Variants in HORMAD2 observed in about 807,000 individuals in gnomAD.
The protein encoded by HORMAD2 is HORMA domain containing 2.
A neutral mutation model predicts 38.8 loss-of-function variants in HORMAD2; 45 were observed. The ratio of observed to expected loss-of-function variants is 1.16; its 90% confidence interval spans 0.91 to 1.49. The LOEUF is 1.49. Among genes scored for constraint, HORMAD2 ranks in the 40% most tolerant of loss-of-function variants. HORMAD2 has a pLI of 0.00. For missense variants in HORMAD2, 338 were observed against 367.0 expected, an observed-to-expected ratio of 0.92 and a Z score of 0.65; for synonymous variants, 126 against 122.8, an observed-to-expected ratio of 1.03 and a Z score of -0.17.
intron 10 of HORMAD2, among the ~76,000 whole-genome samples, chr22:30,147,942 C>T (rs191756908): frequency 2.6e-5 from 4 of 152,180 alleles, no homozygotes; most frequent in African/African-American, 9.6e-5. Flanking sequence ...TTATCAAATT[C>T]CTATAAACAT....
chr22:30,078,414 TG>T (rs2068410499), upstream of HORMAD2, among the ~76,000 whole-genome samples: 1 of 151,798 alleles, frequency 6.6e-6, no homozygotes, highest in Admixed American at 6.6e-5. Context: ...AAGACCAGCC[TG>T]GCCAACATGG....
At chr22:30,092,566 A>G (rs939502788) in intron 1 of HORMAD2, among the ~76,000 whole-genome samples, 2 of 152,144 alleles carry the variant, frequency 1.3e-5, no homozygotes, top group African/African-American at 2.4e-5. Context: ...AGTCTTACCC[A>G]TAAAATCTTT....
At chr22:30,206,601 G>A in the HORMAD2 span, among the ~76,000 whole-genome samples, 4 of 151,966 alleles carry the variant, frequency 2.6e-5, no homozygotes, top group Admixed American at 6.6e-5. Context: ...TCTCGCCTCA[G>A]CCTACCAGGA....
At chr22:30,181,229 G>A (rs1173947030), downstream of HORMAD2, among the ~76,000 whole-genome samples, 1 of 151,828 alleles carries the variant, frequency 6.6e-6, no homozygotes, top group Non-Finnish European at 1.5e-5. Context: ...GCCCAGGCTG[G>A]TCTTGAACTC....
chr22:30,082,320 A>G (rs745405354), intron 1 of HORMAD2, among the ~76,000 whole-genome samples: 7 of 152,216 alleles, frequency 4.6e-5, no homozygotes, highest in African/African-American at 9.6e-5. Flanking sequence ...TTCATAAATC[A>G]ACTATGATTA....
At chr22:30,078,062 T>G (rs2068405196), upstream of HORMAD2, among the ~76,000 whole-genome samples, 1 of 152,178 alleles carries the variant, frequency 6.6e-6, no homozygotes, top group Non-Finnish European at 1.5e-5. Flanking sequence ...AGGGGCTTAT[T>G]AATCCATTCC....
rs552379330 is a variant in HORMAD2 at position 30,118,715 on chromosome 22, A to G, written c.343-265A>G. On this transcript the variant is annotated intron_variant, in intron 7 of 10. Coordinates refer to ENST00000336726, the MANE Select transcript of HORMAD2 (RefSeq NM_152510.4). ...TGTTGTTTACCTAGTTTGGTTAGAT[A>G]TTTGACTCTGTGATTTTGTTTTTCC... Among the ~76,000 whole-genome samples the G allele has an allele frequency of 3.9e-5, 6 of 152,284 alleles. No homozygotes were observed. In the South Asian group the frequency reaches 1.2e-3, roughly 32 times the overall value.
intron 10 of HORMAD2, among the ~76,000 whole-genome samples, chr22:30,174,096 T>C (rs529514576): frequency 2.6e-5 from 4 of 152,330 alleles, no homozygotes; most frequent in Admixed American, 2.0e-4. Flanking sequence ...TGAGGCTCTA[T>C]TGGTAAACAG....
At chr22:30,169,572 G>A (rs891623473) in intron 10 of HORMAD2, among the ~76,000 whole-genome samples, 7 of 152,076 alleles carry the variant, frequency 4.6e-5, no homozygotes, top group East Asian at 1.9e-4. Context: ...TTAATTGAAT[G>A]GGCAAACCCC....
chr22:30,158,040 A>C (rs1321232020), intron 10 of HORMAD2, among the ~76,000 whole-genome samples: 2 of 152,090 alleles, frequency 1.3e-5, no homozygotes, highest in Middle Eastern at 3.2e-3. Flanking sequence ...TGTTAGATTT[A>C]ATTCTTAAGT....
chr22:30,094,782 C>A (rs2068753151), intron 2 of HORMAD2, among the ~76,000 whole-genome samples: 1 of 152,102 alleles, frequency 6.6e-6, no homozygotes, highest in Admixed American at 6.5e-5. Context: ...GGAGAGAATT[C>A]CCTGAGGAAA....
chr22:30,173,266 G>T (rs1926229392), intron 10 of HORMAD2, among the ~76,000 whole-genome samples: 1 of 152,238 alleles, frequency 6.6e-6, no homozygotes, highest in Non-Finnish European at 1.5e-5. Flanking sequence ...AAGCAGAAGA[G>T]CGATGTGTCA....
At chr22:30,127,450 G>A (rs891015677) in intron 10 of HORMAD2, among the ~76,000 whole-genome samples, 3 of 151,912 alleles carry the variant, frequency 2.0e-5, no homozygotes, top group Non-Finnish European at 2.9e-5. Flanking sequence ...TTCGTGATCC[G>A]CCCACCTCGG....
chr22:30,093,879 T>G, intron 1 of HORMAD2, 37 bp from the exon 2 acceptor site: 1 of 1,020,548 alleles, frequency 9.8e-7, no homozygotes, highest in Non-Finnish European at 1.4e-6. Context: ...GCATTATATT[T>G]GGCAAGGTCT....
intron 10 of HORMAD2, among the ~76,000 whole-genome samples, chr22:30,136,136 T>A (rs1923635677): frequency 6.6e-6 from 1 of 152,234 alleles, no homozygotes; most frequent in Non-Finnish European, 1.5e-5. Context: ...TAGGTGTTTC[T>A]TAATTAGGGA....
intron 10 of HORMAD2, among the ~76,000 whole-genome samples, chr22:30,171,360 C>G (rs1221405504): frequency 6.6e-6 from 1 of 152,160 alleles, no homozygotes; most frequent in African/African-American, 2.4e-5. Context: ...TCCCATTGTT[C>G]TCGACCTGAG....
the HORMAD2 span, among the ~76,000 whole-genome samples, chr22:30,206,167 T>G: frequency 1.3e-5 from 2 of 151,926 alleles, no homozygotes; most frequent in African/African-American, 4.8e-5. Context: ...GAGAGTTTTT[T>G]GTTTTGTTTT....
chr22:30,099,087 C>T, intron 3 of HORMAD2, 94 bp downstream of exon 3: 1 of 1,099,106 alleles, frequency 9.1e-7, no homozygotes, highest in Non-Finnish European at 1.3e-6. Context: ...TGTGCTAATT[C>T]CAACTTAAGG....
chr22:30,201,794 T>C, the HORMAD2 span, among the ~76,000 whole-genome samples: 1 of 152,106 alleles, frequency 6.6e-6, no homozygotes, highest in Non-Finnish European at 1.5e-5. Flanking sequence ...AGGCTACATC[T>C]AGAAGTTGTG....
Sources: allele counts gnomAD v4.1 joint callset (sites outside exome capture counted in the v4.1 genomes callset), GRCh38; gene constraint gnomAD v4.1.1; transcripts MANE v1.5; gene names NCBI Gene and HGNC (gene_info 2026-07-23, HGNC 2026-07-21).